LHCGR: variants seen among roughly 807,000 people sequenced by gnomAD.
The protein encoded by LHCGR is lutropin-choriogonadotropic hormone receptor.
In LHCGR, 55 loss-of-function variants were observed where a neutral mutation model predicts 60.7. That is an observed-to-expected ratio of 0.91 (90% confidence interval 0.73 to 1.13). The LOEUF (loss-of-function observed/expected upper bound fraction) is 1.13, where lower values mean the gene tolerates loss of function less well. Ranked by LOEUF, LHCGR falls within the 50% of genes most tolerant of loss-of-function variation. The probability of loss-of-function intolerance (pLI) is 0.00; values close to 1 mark genes in which losing one functional copy is unlikely to be tolerated. For missense variants in LHCGR, 862 were observed against 836.0 expected (o/e 1.03, Z -0.38); for synonymous variants, 337 against 316.5 (o/e 1.06, Z -0.69).
chr2:48,742,119 A>T (rs998665437), intron 1 of LHCGR, among the ~76,000 whole-genome samples: 28 of 151,956 alleles, frequency 1.8e-4, no homozygotes, highest in Non-Finnish European at 3.8e-4. Flanking sequence ...TGGTAAAGGG[A>T]TCAATTCAAC....
chr2:48,688,284 C>A lies in LHCGR; in HGVS notation c.1513G>T (p.Val505Phe). The change falls in exon 11 of 11, where the codon GTC becomes TTC. Residue 505 changes from valine to phenylalanine, a missense_variant. Val to Phe is a conservative substitution (Grantham distance 50). Transcript: ENST00000294954. The surrounding 1 kb of genome is among the most constrained non-coding windows in gnomAD (Gnocchi z 5.2). ...ATACTGACCTTCATGTAATTGCTGA[C>A]ACCGACAAGGGGCAACATAGCAATT... ...SLIAMLPLVG[V>F]SNYMKVSICF... 6.2e-7 allele frequency: 1 copy of A among 1,614,124 alleles called. No homozygotes were observed. The highest frequency in any genetic ancestry group is 8.5e-7 in the Non-Finnish European group (1 of 1,180,036).
intron 1 of LHCGR, among the ~76,000 whole-genome samples, chr2:48,748,725 T>G (rs1669817358): frequency 6.6e-6 from 1 of 152,236 alleles, no homozygotes. Flanking sequence ...GTGAAAACTT[T>G]ATTTCCATAC....
rs962164552 is a variant in LHCGR, at chr2:48,723,378, A to G, written c.536+78T>C. 3 of 997,890 alleles carry G rather than the reference A, an allele frequency of 3.0e-6. No individual in the cohort carries two copies. The African/African-American group carries it at 4.8e-5, about 16-fold the overall frequency. The allele number at this position is 997,890 out of a possible 1,614,324, so 61.8% of individuals were successfully genotyped here. On this transcript the variant is annotated intron_variant, in intron 6 of 10. Coordinates refer to ENST00000294954, the MANE Select transcript of LHCGR (RefSeq NM_000233.4). Reference sequence around the variant, plus strand: ...TGAGTGAGGAATGTGGTAAAACATGAGAAAAAGCTCACCCCAACCTAGTAG... The same window carrying G: ...TGAGTGAGGAATGTGGTAAAACATGGGAAAAAGCTCACCCCAACCTAGTAG...
intron 3 of LHCGR, among the ~76,000 whole-genome samples, chr2:48,726,490 T>C (rs1668735500): frequency 1.3e-5 from 2 of 152,148 alleles, no homozygotes; most frequent in Non-Finnish European, 2.9e-5. Flanking sequence ...GTTATTGCCC[T>C]CCCCGCCCAA....
intron 1 of LHCGR, among the ~76,000 whole-genome samples, chr2:48,751,607 A>C (rs987160421): frequency 6.6e-6 from 1 of 152,170 alleles, no homozygotes; most frequent in Admixed American, 6.5e-5. Context: ...CTTCTCAAAG[A>C]CACTACGGCA....
intron 1 of LHCGR, among the ~76,000 whole-genome samples, chr2:48,735,330 C>G (rs1345285945): frequency 6.6e-6 from 1 of 152,228 alleles, no homozygotes. Flanking sequence ...CTAAACTGGA[C>G]CCAATAATAT....
chr2:48,738,759 G>T (rs1477219405), intron 1 of LHCGR, among the ~76,000 whole-genome samples: 1 of 152,020 alleles, frequency 6.6e-6, no homozygotes, highest in African/African-American at 2.4e-5. Context: ...GACTTGGTAA[G>T]AAAAAAGAAT....
At chr2:48,726,905 G>A (rs1157121525) in intron 3 of LHCGR, among the ~76,000 whole-genome samples, 2 of 152,172 alleles carry the variant, frequency 1.3e-5, no homozygotes, top group Non-Finnish European at 2.9e-5. Flanking sequence ...TCACACAGCT[G>A]AGAAGTAGCA....
intron 6 of LHCGR, chr2:48,721,666 T>C (rs1668504750): frequency 2.1e-6 from 1 of 470,650 alleles, no homozygotes. Flanking sequence ...TCTGAGATGA[T>C]CTCTTCTTTT....
intron 1 of LHCGR, among the ~76,000 whole-genome samples, chr2:48,747,078 A>G (rs941524408): frequency 6.1e-5 from 9 of 147,896 alleles, no homozygotes; most frequent in African/African-American, 2.2e-4. Context: ...ATTTATTATT[A>G]TTTTTTCTTT....
intron 6 of LHCGR, chr2:48,719,985 T>G: frequency 6.6e-6 from 1 of 152,110 alleles, no homozygotes; most frequent in Non-Finnish European, 1.5e-5. Flanking sequence ...AAATGACTAA[T>G]CACTCCCCTT....
At chr2:48,722,009 G>T (rs1212260335) in intron 6 of LHCGR, among the ~76,000 whole-genome samples, 1 of 152,156 alleles carries the variant, frequency 6.6e-6, no homozygotes, top group African/African-American at 2.4e-5. Context: ...AATTAGCTGG[G>T]TGTGGTGGCA....
chr2:48,748,266 C>T (rs1669799665), intron 1 of LHCGR, among the ~76,000 whole-genome samples: 1 of 152,150 alleles, frequency 6.6e-6, no homozygotes, highest in Admixed American at 6.6e-5. Context: ...CTATCTTGTA[C>T]ATTTCAGTAC....
At position 48,716,864 on chromosome 2, in the gene LHCGR, T is replaced by G. The variant is rs1006600816; in HGVS notation, c.537-2810A>C. On this transcript the variant is annotated intron_variant, in intron 6 of 10. Transcript: ENST00000294954. ...TGTCAAAACTTTCTCCTCCATCCAC[T>G]GAATTAGAATCACCTGGAGTTGCTT... Among the ~76,000 whole-genome samples the G allele has an allele frequency of 2.6e-5, 4 of 152,200 alleles. No homozygotes were observed. In the East Asian group the frequency reaches 7.7e-4, roughly 29 times the overall value.
At chr2:48,702,735 G>C (rs140815022) in intron 8 of LHCGR, among the ~76,000 whole-genome samples, 1 of 152,174 alleles carries the variant, frequency 6.6e-6, no homozygotes, top group Non-Finnish European at 1.5e-5. Context: ...GTGTGCATGT[G>C]TCTTTATAGC....
At chr2:48,689,244 C>G (rs1267720833) in intron 10 of LHCGR, among the ~76,000 whole-genome samples, 6 of 151,860 alleles carry the variant, frequency 4.0e-5, no homozygotes, top group African/African-American at 1.5e-4. Context: ...CTTAATGAAG[C>G]TCTTTACAAA....
chr2:48,720,549 C>G (rs1283460302), intron 6 of LHCGR: 4 of 152,276 alleles, frequency 2.6e-5, no homozygotes, highest in Non-Finnish European at 5.9e-5. Context: ...TTAAGGGTCT[C>G]TGCAATTCAG....
chr2:48,709,093 A>G, intron 7 of LHCGR, 71 bp from the exon 8 acceptor site: 2 of 1,162,276 alleles, frequency 1.7e-6, no homozygotes, highest in Non-Finnish European at 1.3e-6. Flanking sequence ...CCATATACAC[A>G]TGTTTAGACC....
intron 7 of LHCGR, 26 bp from the exon 8 acceptor site, chr2:48,709,048 TG>T: frequency 6.3e-7 from 1 of 1,585,326 alleles, no homozygotes; most frequent in Non-Finnish European, 8.7e-7. Flanking sequence ...TTGCCCTTAG[TG>T]GAGTTTGTAC....
Sources: allele counts gnomAD v4.1 joint callset (sites outside exome capture counted in the v4.1 genomes callset), GRCh38; gene constraint gnomAD v4.1.1; non-coding constraint Gnocchi (gnomAD v3.1); transcripts MANE v1.5; gene names NCBI Gene and HGNC (gene_info 2026-07-23, HGNC 2026-07-21).